Variants in ITPR2 observed in about 807,000 individuals in gnomAD.
The protein encoded by ITPR2 is inositol 1,4,5-trisphosphate-gated calcium channel ITPR2.
A neutral mutation model predicts 317.1 loss-of-function variants in ITPR2; 207 were observed. The ratio of observed to expected loss-of-function variants is 0.65; its 90% CI spans 0.58 to 0.73. The LOEUF is 0.73. ITPR2 is among the 30% of genes least tolerant of loss of function. The pLI is 0.00. For missense variants in ITPR2, 2,613 were observed against 3,284.0 expected, an observed-to-expected ratio of 0.80 and a Z score of 4.99; for synonymous variants, 1,156 against 1,149.1, an observed-to-expected ratio of 1.01 and a Z score of -0.12.
chr12:26,660,319 T>C (rs1407532262), intron 15 of ITPR2, among the ~76,000 whole-genome samples: 1 of 152,232 alleles, frequency 6.6e-6, no homozygotes, highest in Non-Finnish European at 1.5e-5. Flanking sequence ...TTGTTTGATC[T>C]ACTCCTTATT....
rs1352479092 is a variant in ITPR2 at position 26,506,661 on chromosome 12, G to C, written c.5074-11401C>G. Among the ~76,000 whole-genome samples the C allele has an allele frequency of 2.0e-5, 3 of 151,932 alleles. No individual in the cohort carries two copies. In the East Asian group the frequency reaches 5.8e-4, roughly 29 times the overall value. ...GACAATTTCAATATTTAGCCTGAAA[G>C]ATTAGAAGGTAAAATACTAATTAAT... On this transcript the variant is annotated intron_variant, in intron 37 of 56. Coordinates refer to ENST00000381340, the MANE Select transcript of ITPR2 (RefSeq NM_002223.4).
At chr12:26,815,889 C>G (rs571180821) in intron 1 of ITPR2, among the ~76,000 whole-genome samples, 2 of 151,758 alleles carry the variant, frequency 1.3e-5, no homozygotes, top group African/African-American at 4.8e-5. Context: ...GTCAGGAGAT[C>G]GAGACCATCC....
intron 34 of ITPR2, among the ~76,000 whole-genome samples, chr12:26,570,089 T>C (rs569792421): frequency 7.2e-5 from 11 of 152,342 alleles, no homozygotes; most frequent in East Asian, 3.9e-4. Flanking sequence ...ATGTGATAAA[T>C]ATACATTGAG....
At chr12:26,551,938 T>C (rs1030513669) in intron 36 of ITPR2, among the ~76,000 whole-genome samples, 1 of 152,218 alleles carries the variant, frequency 6.6e-6, no homozygotes, top group South Asian at 2.1e-4. Context: ...AGGGAACCAC[T>C]GTTCTAAAGC....
At chr12:26,587,259 G>A (rs1211633123) in intron 32 of ITPR2, among the ~76,000 whole-genome samples, 1 of 140,550 alleles carries the variant, frequency 7.1e-6, no homozygotes, top group Non-Finnish European at 1.5e-5. Context: ...TCTTTCATTT[G>A]TTCCTACTGA....
chr12:26,711,351 T>A, intron 8 of ITPR2, 83 bp from the exon 9 acceptor site: 1 of 909,822 alleles, frequency 1.1e-6, no homozygotes, highest in Non-Finnish European at 1.8e-6. Flanking sequence ...ATGCCTGCCC[T>A]CCTGTTAATA....
intron 1 of ITPR2, among the ~76,000 whole-genome samples, chr12:26,827,413 C>T (rs551767547): frequency 3.0e-4 from 46 of 152,204 alleles, no homozygotes; most frequent in African/African-American, 1.0e-3. Context: ...CTAGGGCATT[C>T]AAATTTTGCA....
At chr12:26,537,700 T>A (rs760850712) in intron 37 of ITPR2, among the ~76,000 whole-genome samples, 1 of 152,246 alleles carries the variant, frequency 6.6e-6, no homozygotes, top group African/African-American at 2.4e-5. Flanking sequence ...CTCATTTACA[T>A]ATCACATTTG....
chr12:26,352,345 C>A (rs1938508625), intron 55 of ITPR2, among the ~76,000 whole-genome samples: 1 of 152,224 alleles, frequency 6.6e-6, no homozygotes, highest in South Asian at 2.1e-4. Flanking sequence ...TTCCAGCACT[C>A]AACAATGGCA....
At chr12:26,692,702 C>T (rs1272667685) in intron 10 of ITPR2, among the ~76,000 whole-genome samples, 1 of 152,134 alleles carries the variant, frequency 6.6e-6, no homozygotes, top group Non-Finnish European at 1.5e-5. Context: ...GGAGCTCTGA[C>T]ACACACCGCC....
intron 1 of ITPR2, among the ~76,000 whole-genome samples, chr12:26,816,491 T>C (rs903194507): frequency 1.3e-5 from 2 of 152,210 alleles, no homozygotes; most frequent in Non-Finnish European, 2.9e-5. Flanking sequence ...GTTAACTATA[T>C]GCTAAAGCAT....
At position 26,512,999 on chromosome 12, in the gene ITPR2, G is replaced by T. The variant is rs1943395369; in HGVS notation, c.5074-17739C>A. On this transcript the variant is annotated intron_variant, in intron 37 of 56. Transcript: ENST00000381340. ...AACTCGAGTAGCTGGGATTACAGGTGCCCGGGTAACATTTTGTATTTTTAG... is the reference window on the plus strand; with the variant it reads ...AACTCGAGTAGCTGGGATTACAGGTTCCCGGGTAACATTTTGTATTTTTAG... Among the ~76,000 whole-genome samples, 8 of 151,922 alleles carry T rather than the reference G, an allele frequency of 5.3e-5. No homozygotes were observed. The South Asian group carries it at 1.7e-3, about 32-fold the overall frequency.
chr12:26,446,051 G>A (rs1295496015), intron 45 of ITPR2, among the ~76,000 whole-genome samples: 1 of 152,116 alleles, frequency 6.6e-6, no homozygotes, highest in Non-Finnish European at 1.5e-5. Context: ...TTGGGTGGTT[G>A]TGATGATGGG....
chr12:26,561,006 A>G (rs1375244962), intron 35 of ITPR2, among the ~76,000 whole-genome samples: 1 of 152,188 alleles, frequency 6.6e-6, no homozygotes, highest in Non-Finnish European at 1.5e-5. Context: ...AACTCACAGT[A>G]CCTCAGAATG....
At chr12:26,782,017 TATATATATATATATATGTATAGAG>T (rs1565759742) in intron 2 of ITPR2, among the ~76,000 whole-genome samples, 21 of 48,006 alleles carry the variant, frequency 4.4e-4, no homozygotes, top group East Asian at 1.0e-3. Context: ...TATATATATA[TATATATATATATATATGTATAGAG>T]AGAGAGAGAG....
intron 13 of ITPR2, among the ~76,000 whole-genome samples, chr12:26,669,810 AAGAT>A (rs1947710536): frequency 6.6e-6 from 1 of 152,230 alleles, no homozygotes; most frequent in Non-Finnish European, 1.5e-5. Context: ...AAAGAGGTGA[AAGAT>A]AGCACCTGGA....
chr12:26,589,679 C>T (rs1404586826), intron 32 of ITPR2, among the ~76,000 whole-genome samples: 1 of 148,808 alleles, frequency 6.7e-6, no homozygotes, highest in Non-Finnish European at 1.5e-5. Flanking sequence ...CCCAGCTACT[C>T]GGGAGGCTGA....
chr12:26,704,773 CA>C (rs764460862), intron 9 of ITPR2, among the ~76,000 whole-genome samples: 1 of 151,990 alleles, frequency 6.6e-6, no homozygotes, highest in African/African-American at 2.4e-5. Context: ...TTTTTACACA[CA>C]AAGGAACTCA....
At chr12:26,768,484 A>G (rs1378377744) in intron 2 of ITPR2, among the ~76,000 whole-genome samples, 2 of 140,996 alleles carry the variant, frequency 1.4e-5, no homozygotes, top group Non-Finnish European at 3.0e-5. Flanking sequence ...GTGCAACTCA[A>G]AAAAAAAAAA....
Sources: gnomAD v4.1 joint callset for allele counts (sites outside exome capture counted in the v4.1 genomes callset) on GRCh38, gnomAD v4.1.1 for gene constraint, MANE v1.5 for transcripts, NCBI Gene and HGNC (gene_info 2026-07-23, HGNC 2026-07-21) for gene names.